The following HIPK2 variants were observed in gnomAD, a reference collection of about 807,000 sequenced individuals.
HIPK2 encodes homeodomain-interacting protein kinase 2.
Under a neutral mutation model 113.7 loss-of-function variants are expected in HIPK2, and 27 were observed. The observed-to-expected ratio is 0.24, with a 90% CI of 0.17 to 0.33. The LOEUF (loss-of-function observed/expected upper bound fraction) is 0.33, where lower values mean the gene tolerates loss of function less well. Among genes scored for constraint, HIPK2 ranks in the 10% least tolerant of loss-of-function variants. The probability of loss-of-function intolerance (pLI) is 1.00; values close to 1 mark genes in which losing one functional copy is unlikely to be tolerated. For missense variants in HIPK2, 1,257 were observed against 1,588.0 expected (o/e 0.79, Z 3.54); for synonymous variants, 631 against 642.2 (o/e 0.98, Z 0.26).
intron 2 of HIPK2, among the ~76,000 whole-genome samples, chr7:139,708,943 G>A (rs1585404238): frequency 2.0e-5 from 3 of 152,036 alleles, no homozygotes; most frequent in Admixed American, 6.5e-5. Flanking sequence ...TGTGAAGAGG[G>A]GACTGCAGTA....
chr7:139,633,378 T>C (rs759211446), intron 2 of HIPK2, among the ~76,000 whole-genome samples: 4 of 152,166 alleles, frequency 2.6e-5, no homozygotes, highest in Non-Finnish European at 5.9e-5. Flanking sequence ...TGAATTTTTC[T>C]CTACTGAAAA....
At chr7:139,588,561 A>G (rs1168386391) in intron 12 of HIPK2, among the ~76,000 whole-genome samples, 2 of 152,032 alleles carry the variant, frequency 1.3e-5, no homozygotes, top group East Asian at 3.9e-4. Flanking sequence ...ACAAAAAAGA[A>G]TATCTCGAAA....
At chr7:139,621,553 C>T (rs562080766) in intron 6 of HIPK2, among the ~76,000 whole-genome samples, 11 of 152,170 alleles carry the variant, frequency 7.2e-5, no homozygotes, top group Non-Finnish European at 1.0e-4. Context: ...CAAAAAGTGT[C>T]CTTCAGAATT....
chr7:139,604,255 G>A, intron 9 of HIPK2, 32 bp from the exon 10 acceptor site: 1 of 1,578,058 alleles, frequency 6.3e-7, no homozygotes, highest in Non-Finnish European at 8.6e-7. Flanking sequence ...CAATGACCAT[G>A]TTTGCTAATC....
intron 2 of HIPK2, among the ~76,000 whole-genome samples, chr7:139,650,781 C>T (rs560811108): frequency 5.9e-5 from 9 of 152,360 alleles, no homozygotes; most frequent in East Asian, 3.9e-4. Context: ...GAGAGATCCA[C>T]GTGGATGGAA....
intron 2 of HIPK2, among the ~76,000 whole-genome samples, chr7:139,710,852 A>T (rs940569445): frequency 6.6e-6 from 1 of 152,102 alleles, no homozygotes; most frequent in Non-Finnish European, 1.5e-5. Flanking sequence ...GTTTAAAAGC[A>T]TGTAGCACCT....
intron 1 of HIPK2, among the ~76,000 whole-genome samples, chr7:139,741,387 C>T (rs1796095286): frequency 6.6e-6 from 1 of 152,184 alleles, no homozygotes; most frequent in Non-Finnish European, 1.5e-5. Context: ...ATCGTCCTGT[C>T]CTCTTGCAAC....
chr7:139,596,512 C>T (rs1054589784), intron 12 of HIPK2, among the ~76,000 whole-genome samples: 3 of 152,166 alleles, frequency 2.0e-5, no homozygotes, highest in Non-Finnish European at 4.4e-5. Context: ...CAACATGATT[C>T]GACATTATTT....
intron 11 of HIPK2, among the ~76,000 whole-genome samples, chr7:139,598,833 A>G (rs909555921): frequency 6.6e-6 from 1 of 152,242 alleles, no homozygotes; most frequent in South Asian, 2.1e-4. Context: ...ATGACAGCCC[A>G]TGAGGATTGA....
At chr7:139,737,571 T>C (rs944418268) in intron 1 of HIPK2, among the ~76,000 whole-genome samples, 2 of 152,192 alleles carry the variant, frequency 1.3e-5, no homozygotes, top group East Asian at 1.9e-4. Context: ...ACCTTTCTCC[T>C]GGACTGCAGG....
rs567394565 is a variant in HIPK2, at chr7:139,648,800, C to G, written c.1104-17075G>C. On this transcript the variant is annotated intron_variant, in intron 2 of 14. Transcript: ENST00000406875. ...AGAGGGTGCTGCGGGTTTTTTTTTTCCTTTCCCCGTATGTATTGTGTTCAG... is the reference window on the plus strand; with the variant it reads ...AGAGGGTGCTGCGGGTTTTTTTTTTGCTTTCCCCGTATGTATTGTGTTCAG... Among the ~76,000 whole-genome samples the G allele has an allele frequency of 8.7e-5, 13 of 150,192 alleles. No individual in the cohort carries two copies. In the East Asian group the frequency reaches 2.5e-3, roughly 29 times the overall value.
intron 6 of HIPK2, among the ~76,000 whole-genome samples, chr7:139,622,824 G>C (rs907663553): frequency 1.3e-5 from 2 of 152,184 alleles, no homozygotes; most frequent in Non-Finnish European, 2.9e-5. Context: ...TAATTTCTGA[G>C]TTCTGACTTG....
At position 139,569,899 on chromosome 7, in the gene HIPK2, T is replaced by C. The variant is rs1585218895; in HGVS notation, c.*3028A>G. 1 of 152,204 alleles carries C rather than the reference T, an allele frequency of 6.6e-6. No homozygotes were observed. Among genetic ancestry groups the C allele is most frequent in the Non-Finnish European group, 1.5e-5 (1 of 68,036 alleles). 9.4% of individuals were successfully genotyped at this position (152,204 alleles called of 1,614,324 possible). ...GACTAAAATATCAACATAATGATCA[T>C]AATTACAATGGTAATAAAAATAATT... On this transcript the variant is annotated 3_prime_UTR_variant, in exon 15 of 15. Transcript: ENST00000406875.
chr7:139,587,175 C>A (rs1409488286), intron 12 of HIPK2, among the ~76,000 whole-genome samples: 1 of 152,100 alleles, frequency 6.6e-6, no homozygotes, highest in African/African-American at 2.4e-5. Context: ...CAGTACAGTA[C>A]ATGAATTCTA....
intron 2 of HIPK2, among the ~76,000 whole-genome samples, chr7:139,643,626 T>A (rs964718251): frequency 6.6e-6 from 1 of 152,150 alleles, no homozygotes; most frequent in Non-Finnish European, 1.5e-5. Context: ...TATGTGCTTG[T>A]GCATGTAGAA....
At chr7:139,739,208 A>G (rs7459106) in intron 1 of HIPK2, among the ~76,000 whole-genome samples, 51,761 of 152,056 alleles carry the variant, frequency 0.34, 11,711 homozygotes, top group African/African-American at 0.64. Flanking sequence ...CCACAGGTAT[A>G]TGCCACCATC....
At chr7:139,773,200 G>A (rs961468770) in intron 1 of HIPK2, among the ~76,000 whole-genome samples, 1 of 152,190 alleles carries the variant, frequency 6.6e-6, no homozygotes, top group African/African-American at 2.4e-5. Context: ...GAAGGGCGCA[G>A]GGCGGTGCAC....
chr7:139,732,819 A>ATG (rs71170913), intron 1 of HIPK2, among the ~76,000 whole-genome samples: 28,022 of 144,822 alleles, frequency 0.19, 4,129 homozygotes, highest in African/African-American at 0.41. Context: ...TTATATATAT[A>ATG]TGTGTGTGTG....
intron 2 of HIPK2, among the ~76,000 whole-genome samples, chr7:139,646,499 TAAAA>T (rs57503855): frequency 4.2e-5 from 5 of 119,948 alleles, no homozygotes; most frequent in Admixed American, 8.8e-5. Flanking sequence ...GACCTTGTCT[TAAAA>T]AAAAAAAAAA....
Sources: allele counts gnomAD v4.1 joint callset (sites outside exome capture counted in the v4.1 genomes callset), GRCh38; gene constraint gnomAD v4.1.1; transcripts MANE v1.5; gene names NCBI Gene and HGNC (gene_info 2026-07-23, HGNC 2026-07-21).